Variants in TEC observed in about 807,000 individuals in gnomAD.
TEC encodes tec protein tyrosine kinase.
In TEC, 72 loss-of-function variants were observed where a neutral mutation model predicts 93.0. The observed-to-expected ratio is 0.77, with a 90% CI of 0.64 to 0.94. TEC has a LOEUF of 0.94. TEC is among the 40% of genes least tolerant of loss of function. The pLI is 0.00. For synonymous variants in TEC, 249 were observed against 247.7 expected (o/e 1.01, Z -0.05); for missense variants, 630 against 757.9 (o/e 0.83, Z 1.98).
intron 10 of TEC, among the ~76,000 whole-genome samples, chr4:48,150,036 C>T (rs557694877): frequency 2.0e-5 from 3 of 152,320 alleles, no homozygotes; most frequent in African/African-American, 7.2e-5. Context: ...ACACTTAAAT[C>T]ACCAATAGTG....
chr4:48,235,315 G>A (rs140618513), intron 1 of TEC, among the ~76,000 whole-genome samples: 9 of 152,184 alleles, frequency 5.9e-5, no homozygotes, highest in African/African-American at 1.9e-4. Context: ...CCTAGTACAG[G>A]AGCTCAGTCC....
intron 17 of TEC, among the ~76,000 whole-genome samples, chr4:48,138,320 T>C (rs998479172): frequency 6.6e-6 from 1 of 152,096 alleles, no homozygotes; most frequent in Non-Finnish European, 1.5e-5. Flanking sequence ...AGAAACCAAC[T>C]CTGGTAAAAA....
intron 2 of TEC, among the ~76,000 whole-genome samples, chr4:48,187,715 C>T (rs1276571511): frequency 6.6e-6 from 1 of 152,116 alleles, no homozygotes; most frequent in Non-Finnish European, 1.5e-5. Flanking sequence ...AACTTACTAA[C>T]CTATGTGTTT....
At chr4:48,249,217 A>G (rs373630496) in intron 1 of TEC, among the ~76,000 whole-genome samples, 19 of 152,370 alleles carry the variant, frequency 1.2e-4, no homozygotes, top group African/African-American at 4.6e-4. Flanking sequence ...GCTACTTCTT[A>G]TATTAACATT....
chr4:48,175,591 G>A (rs7670351), intron 3 of TEC, among the ~76,000 whole-genome samples: 57,653 of 151,954 alleles, frequency 0.38, 11,958 homozygotes, highest in East Asian at 0.9. Context: ...GGAGATGCGC[G>A]TGTGTGTGCT....
chr4:48,154,337 G>A (rs1361009566), intron 9 of TEC, among the ~76,000 whole-genome samples: 1 of 152,186 alleles, frequency 6.6e-6, no homozygotes, highest in African/African-American at 2.4e-5. Context: ...TCTGATTAAG[G>A]TCATAAAACT....
chr4:48,163,202 T>TA (rs1202357433), intron 8 of TEC, among the ~76,000 whole-genome samples: 1 of 152,098 alleles, frequency 6.6e-6, no homozygotes, highest in East Asian at 1.9e-4. Flanking sequence ...TCAAATGAAA[T>TA]AAAATGTAGC....
intron 2 of TEC, among the ~76,000 whole-genome samples, chr4:48,207,618 CAAAAAAAA>C (rs34141042): frequency 2.0e-5 from 2 of 102,536 alleles, no homozygotes; most frequent in African/African-American, 3.8e-5. Context: ...CATGTCTCTA[CAAAAAAAA>C]AAAAAAAAAA....
At chr4:48,176,486 CAAG>C (rs1721330532) in intron 2 of TEC, among the ~76,000 whole-genome samples, 1 of 152,114 alleles carries the variant, frequency 6.6e-6, no homozygotes, top group South Asian at 2.1e-4. Context: ...TTTGAGAGGC[CAAG>C]GCGGGTGGAT....
At chr4:48,142,086 C>G (rs1719696376) in intron 14 of TEC, among the ~76,000 whole-genome samples, 1 of 152,230 alleles carries the variant, frequency 6.6e-6, no homozygotes, top group African/African-American at 2.4e-5. Flanking sequence ...CCGGTTCTCA[C>G]TAGGTGAGCT....
intron 7 of TEC, 64 bp from the exon 8 acceptor site, chr4:48,163,831 G>GAAAT: frequency 1.1e-6 from 1 of 889,296 alleles, no homozygotes; most frequent in East Asian, 2.8e-5. Flanking sequence ...AAGAAAGAAA[G>GAAAT]ATTATTGCCT....
At chr4:48,268,063 T>G (rs1577680723) in intron 1 of TEC, among the ~76,000 whole-genome samples, 1 of 152,190 alleles carries the variant, frequency 6.6e-6, no homozygotes, top group African/African-American at 2.4e-5. Flanking sequence ...AGGGTCAACT[T>G]AAGGAAGCAA....
intron 1 of TEC, among the ~76,000 whole-genome samples, chr4:48,243,993 G>T (rs1161422191): frequency 6.7e-6 from 1 of 149,430 alleles, no homozygotes; most frequent in Non-Finnish European, 1.5e-5. Context: ...GAGGTAGAGA[G>T]ATAACCAGCA....
intron 1 of TEC, among the ~76,000 whole-genome samples, chr4:48,232,474 A>G (rs2109644946): frequency 6.6e-6 from 1 of 152,304 alleles, no homozygotes; most frequent in Admixed American, 6.5e-5. Context: ...AGACTAGAAA[A>G]AAGTCTCCTA....
intron 11 of TEC, 121 bp from the exon 12 acceptor site, chr4:48,146,520 G>A (rs1719919293): frequency 1.2e-6 from 1 of 826,418 alleles, no homozygotes. Flanking sequence ...TCCTCTGTGT[G>A]TACATACAGC....
In TEC at chr4:48,167,763, A is replaced by C. The variant is rs750421177; in HGVS notation, c.671+15T>G. On this transcript the variant is annotated intron_variant, in intron 7 of 17. Coordinates refer to ENST00000381501, the MANE Select transcript of TEC (RefSeq NM_003215.3). ...CCTACCCACTGCATATCACACACAT[A>C]GAGGGAATACTTACCCATATTTATC... is the stretch of plus-strand genomic sequence containing the variant. The C allele has an allele frequency of 6.2e-7, 1 of 1,612,666 alleles. No individual in the cohort carries two copies. The highest frequency in any genetic ancestry group is 1.3e-5 in the African/African-American group (1 of 74,976).
chr4:48,255,828 A>G (rs1025841483), intron 1 of TEC, among the ~76,000 whole-genome samples: 2 of 152,148 alleles, frequency 1.3e-5, no homozygotes, highest in Non-Finnish European at 2.9e-5. Context: ...CAAAATAACA[A>G]TAATGACAAT....
intron 1 of TEC, among the ~76,000 whole-genome samples, chr4:48,260,588 A>G (rs1305082717): frequency 6.6e-6 from 1 of 150,534 alleles, no homozygotes; most frequent in South Asian, 2.1e-4. Flanking sequence ...TAAGCAACAG[A>G]GCAAGACTCT....
At chr4:48,232,279 ACT>A (rs1374545866) in intron 1 of TEC, among the ~76,000 whole-genome samples, 1 of 149,654 alleles carries the variant, frequency 6.7e-6, no homozygotes, top group East Asian at 2.0e-4. Flanking sequence ...ACAGGGCAAG[ACT>A]CTGTCTCAAA....
Sources: allele counts gnomAD v4.1 joint callset (sites outside exome capture counted in the v4.1 genomes callset), GRCh38; gene constraint gnomAD v4.1.1; transcripts MANE v1.5; gene names NCBI Gene and HGNC (gene_info 2026-07-23, HGNC 2026-07-21).